The following CSMD1 variants were observed in gnomAD, a reference collection of about 807,000 sequenced individuals.
CSMD1 encodes CUB and sushi domain-containing protein 1.
In CSMD1, 213 loss-of-function variants were observed where a neutral mutation model predicts 417.5. That is an observed-to-expected ratio of 0.51 (90% CI 0.46 to 0.57). The LOEUF is 0.57. Ranked by LOEUF, CSMD1 falls within the 20% of genes least tolerant of loss-of-function variation. CSMD1 has a pLI of 0.00. For synonymous variants in CSMD1, 2,862 were observed against 1,736.8 expected, an observed-to-expected ratio of 1.65 and a Z score of -16.11; for missense variants, 6,923 against 4,529.7, an observed-to-expected ratio of 1.53 and a Z score of -15.17.
At chr8:3,270,241 A>G (rs963778054) in intron 26 of CSMD1, among the ~76,000 whole-genome samples, 4 of 151,934 alleles carry the variant, frequency 2.6e-5, no homozygotes, top group African/African-American at 9.7e-5. Context: ...TATTTTTAGT[A>G]GAGATGGGGT....
At chr8:3,382,888 T>C (rs1810726416) in intron 18 of CSMD1, among the ~76,000 whole-genome samples, 1 of 152,064 alleles carries the variant, frequency 6.6e-6, no homozygotes, top group South Asian at 2.1e-4. Context: ...ATTTCTTTAG[T>C]TTTCCAAGAT....
intron 3 of CSMD1, among the ~76,000 whole-genome samples, chr8:4,315,120 C>A (rs1484622907): frequency 6.6e-6 from 1 of 152,144 alleles, no homozygotes; most frequent in Non-Finnish European, 1.5e-5. Flanking sequence ...TACACCATCG[C>A]AAGAGCACCA....
intron 1 of CSMD1, among the ~76,000 whole-genome samples, chr8:4,805,828 G>C (rs576502402): frequency 6.6e-6 from 1 of 152,238 alleles, no homozygotes; most frequent in African/African-American, 2.4e-5. Flanking sequence ...TGGAAAACTC[G>C]AAAGTGGAAG....
intron 12 of CSMD1, among the ~76,000 whole-genome samples, chr8:3,423,680 G>C (rs890720432): frequency 2.6e-5 from 4 of 152,178 alleles, no homozygotes; most frequent in African/African-American, 9.7e-5. Flanking sequence ...CTATTATGAA[G>C]AAAGTCTTAC....
intron 5 of CSMD1, among the ~76,000 whole-genome samples, chr8:3,896,727 G>T (rs1005641586): frequency 6.6e-6 from 1 of 151,902 alleles, no homozygotes; most frequent in Non-Finnish European, 1.5e-5. Context: ...AGCCAGGATG[G>T]TCTCGATCCT....
chr8:4,808,202 C>T (rs532934503), intron 1 of CSMD1, among the ~76,000 whole-genome samples: 1 of 152,286 alleles, frequency 6.6e-6, no homozygotes, highest in East Asian at 1.9e-4. Context: ...TCATTGCCAG[C>T]ACCAGTCGGT....
chr8:3,886,840 C>A (rs117087164), intron 5 of CSMD1, among the ~76,000 whole-genome samples: 1 of 152,214 alleles, frequency 6.6e-6, no homozygotes, highest in Non-Finnish European at 1.5e-5. Context: ...AGATCTAATT[C>A]AAAACTTTCT....
intron 1 of CSMD1, among the ~76,000 whole-genome samples, chr8:4,894,709 T>TGTGA (rs1392366616): frequency 6.6e-6 from 1 of 151,632 alleles, no homozygotes; most frequent in East Asian, 1.9e-4. Context: ...TGTGTGTGTG[T>TGTGA]GTGTGTGTGT....
rs910586017 is a variant in CSMD1 at position 3,996,043 on chromosome 8, G to A, written c.818+1860C>T. ...GGATGATCAATTGTTGCCATAAAGT[G>A]CTACAATGGTCCCATCAACTTTTCA... On this transcript the variant is annotated intron_variant, in intron 5 of 69. Transcript: ENST00000635120. Among the ~76,000 whole-genome samples the A allele has an allele frequency of 3.9e-5, 6 of 152,272 alleles. No individual in the cohort carries two copies. In the East Asian group the frequency reaches 9.6e-4, roughly 24 times the overall value.
intron 7 of CSMD1, among the ~76,000 whole-genome samples, chr8:3,697,757 T>C (rs891501200): frequency 6.6e-6 from 1 of 152,210 alleles, no homozygotes; most frequent in Admixed American, 6.5e-5. Context: ...TGAAAATTCA[T>C]GTGTTACAAT....
chr8:3,251,629 C>A lies in CSMD1; in HGVS notation c.4154-21398G>T, dbSNP rs539730417. ...GTCATTGGTAGCTTGATGGGGATGG[C>A]TTTGAATCTATCAATTACCTTGGGC... is the stretch of plus-strand genomic sequence containing the variant. On this transcript the variant is annotated intron_variant, in intron 26 of 69. Coordinates refer to ENST00000635120, the MANE Select transcript of CSMD1 (RefSeq NM_033225.6). 5.3e-5 allele frequency among the ~76,000 whole-genome samples: 8 copies of A among 152,260 alleles called. No individual in the cohort carries two copies. In the South Asian group the frequency reaches 1.7e-3, roughly 32 times the overall value.
intron 1 of CSMD1, among the ~76,000 whole-genome samples, chr8:4,753,528 C>A (rs994184516): frequency 6.6e-6 from 1 of 151,986 alleles, no homozygotes; most frequent in Non-Finnish European, 1.5e-5. Flanking sequence ...ACTCGTTGCT[C>A]GGTATACTAA....
At chr8:3,499,378 G>T (rs1266488819) in intron 10 of CSMD1, among the ~76,000 whole-genome samples, 1 of 152,054 alleles carries the variant, frequency 6.6e-6, no homozygotes, top group African/African-American at 2.4e-5. Flanking sequence ...GATATAGAAG[G>T]TCACATGAGC....
At chr8:4,009,366 T>A (rs750577636) in intron 4 of CSMD1, among the ~76,000 whole-genome samples, 7 of 152,162 alleles carry the variant, frequency 4.6e-5, no homozygotes, top group Admixed American at 3.9e-4. Context: ...AAATACAGAA[T>A]AGAACATTAC....
At chr8:3,443,170 T>C (rs1229323967) in intron 12 of CSMD1, among the ~76,000 whole-genome samples, 1 of 152,158 alleles carries the variant, frequency 6.6e-6, no homozygotes, top group East Asian at 1.9e-4. Context: ...CACCTTCTGC[T>C]GCAAAAAAAT....
intron 21 of CSMD1, among the ~76,000 whole-genome samples, chr8:3,355,569 G>A (rs568350450): frequency 2.0e-5 from 3 of 152,152 alleles, no homozygotes; most frequent in Admixed American, 6.5e-5. Flanking sequence ...GTACATAAGC[G>A]ATCTTCACAT....
At chr8:3,312,586 G>A (rs967857362) in intron 23 of CSMD1, among the ~76,000 whole-genome samples, 1 of 152,106 alleles carries the variant, frequency 6.6e-6, no homozygotes, top group African/African-American at 2.4e-5. Context: ...ACAGTTGCTG[G>A]GAGAATCATA....
At chr8:4,771,877 G>C (rs780171403) in intron 1 of CSMD1, among the ~76,000 whole-genome samples, 1 of 152,244 alleles carries the variant, frequency 6.6e-6, no homozygotes. Context: ...TGCTCAAAGC[G>C]GTGGGCATGA....
intron 2 of CSMD1, among the ~76,000 whole-genome samples, chr8:4,609,700 A>G (rs966144193): frequency 6.6e-6 from 1 of 152,182 alleles, no homozygotes; most frequent in African/African-American, 2.4e-5. Flanking sequence ...AACATTGCCA[A>G]TTTTAGAGCA....
Sources: allele counts gnomAD v4.1 joint callset (sites outside exome capture counted in the v4.1 genomes callset), GRCh38; gene constraint gnomAD v4.1.1; transcripts MANE v1.5; gene names NCBI Gene and HGNC (gene_info 2026-07-23, HGNC 2026-07-21).